The following CCNJL variants were observed in gnomAD, a reference collection of about 807,000 sequenced individuals.
CCNJL encodes the protein cyclin J like.
In CCNJL, 33 loss-of-function variants were observed where a neutral mutation model predicts 33.4. The ratio of observed to expected loss-of-function variants is 0.99; its 90% confidence interval spans 0.75 to 1.32. The LOEUF (loss-of-function observed/expected upper bound fraction) is 1.32. Ranked by LOEUF, CCNJL falls within the 40% of genes most tolerant of loss-of-function variation. The pLI, the probability that CCNJL is intolerant of heterozygous loss-of-function variation, is 0.00. For synonymous variants in CCNJL, 227 were observed against 220.9 expected, an observed-to-expected ratio of 1.03 and a Z score of -0.24; for missense variants, 512 against 499.7, an observed-to-expected ratio of 1.02 and a Z score of -0.23.
chr5:160,263,843 G>T (rs1469149080), intron 3 of CCNJL, among the ~76,000 whole-genome samples: 3 of 152,016 alleles, frequency 2.0e-5, no homozygotes, highest in Non-Finnish European at 4.4e-5. Context: ...TTATACTGGG[G>T]GTTGAAAAGG....
upstream of CCNJL, among the ~76,000 whole-genome samples, chr5:160,313,492 A>G (rs776814520): frequency 2.2e-4 from 33 of 152,356 alleles, no homozygotes; most frequent in Non-Finnish European, 8.8e-5. Flanking sequence ...AACAACTGTG[A>G]CTGAAGAGCC....
intron 1 of CCNJL, among the ~76,000 whole-genome samples, chr5:160,336,340 A>G (rs1305004348): frequency 1.3e-5 from 2 of 152,232 alleles, no homozygotes; most frequent in African/African-American, 2.4e-5. Flanking sequence ...GTCAAATAGA[A>G]GTGTTCTTAT....
rs59309263 is a variant in CCNJL at position 160,321,012 on chromosome 5, C to CTCTT, written n.207-5511_207-5508dup. Among the ~76,000 whole-genome samples, 170 of 71,980 alleles carry CTCTT rather than the reference C, an allele frequency of 2.4e-3. 3 individuals carry two copies. Among genetic ancestry groups the CTCTT allele is most frequent in the Non-Finnish European group, 2.8e-3 (110 of 39,254 alleles). The allele number at this position is 71,980 out of a possible 152,430, so 47.2% of individuals were successfully genotyped here. On this transcript the variant is annotated intron_variant and non_coding_transcript_variant, in intron 1 of 7. Transcript: ENST00000377503. ...TTTCTTTCTTTCTCTCTCTCTCTCT[C>CTCTT]TCTTTCTTTCTTTCTTTCTTTCTTT...
intron 2 of CCNJL, among the ~76,000 whole-genome samples, chr5:160,290,709 C>T (rs1283172216): frequency 1.3e-5 from 2 of 152,112 alleles, no homozygotes; most frequent in Admixed American, 6.6e-5. Flanking sequence ...AGGGCACAGA[C>T]TGGGCTTGTC....
intron 3 of CCNJL, chr5:160,269,438 TA>T: frequency 2.2e-6 from 1 of 456,502 alleles, no homozygotes; most frequent in Non-Finnish European, 4.4e-6. Flanking sequence ...GTCACTGCTT[TA>T]AAGAAAGCTC....
chr5:160,280,648 A>C lies in CCNJL; in HGVS notation c.157T>G (p.Cys53Gly). The change falls in exon 3 of 6, where the codon TGC (cysteine) becomes GGC (glycine). Residue 53 changes from cysteine to glycine, a missense_variant. By Grantham distance (159) the Cys-to-Gly change is radical (BLOSUM62 -3). Transcript: ENST00000257536. ...VDILTLLSSH[C>G]QLCPAARHLA... is the part of the protein sequence containing the mutation. ...TGCCGGGCTGCAGGGCAGAGCTGGC[A>C]GTGGCTGCTCAGCAGGGTCAGGATG... 1 of 1,613,552 alleles carries C rather than the reference A, an allele frequency of 6.2e-7. No homozygotes were observed. The highest frequency in any genetic ancestry group is 8.5e-7 in the Non-Finnish European group (1 of 1,179,902).
At chr5:160,304,900 G>A (rs923713033) in intron 2 of CCNJL, among the ~76,000 whole-genome samples, 3 of 151,654 alleles carry the variant, frequency 2.0e-5, no homozygotes, top group Non-Finnish European at 4.4e-5. Flanking sequence ...TGCAACGTCC[G>A]CCTCCCAGGT....
In CCNJL at chr5:160,304,822, C is replaced by CT. The variant is rs10658968; in HGVS notation, c.66+7035dup. On this transcript the variant is annotated intron_variant, in intron 2 of 5. Transcript: ENST00000257536. ...ATGGACCTTGGTCACTACTTTCTTT[C>CT]TTTTTTTTTTTAGAGGAAATCTCGC... Among the ~76,000 whole-genome samples the CT allele has an allele frequency of 2.9e-4, 42 of 146,174 alleles. No homozygotes were observed. The South Asian group carries it at 3.2e-3, about 11-fold the overall frequency.
rs1274513570 is a variant in CCNJL, at chr5:160,249,664, G to C, written c.*3714C>G. Reference sequence around the variant, plus strand: ...TGTAGTCCCAGCTACTCAGGAGGCTGAGGTGGGAGGATCACTTGAGCCCAG... The same window carrying C: ...TGTAGTCCCAGCTACTCAGGAGGCTCAGGTGGGAGGATCACTTGAGCCCAG... On this transcript the variant is annotated 3_prime_UTR_variant, in exon 6 of 6. Coordinates refer to ENST00000257536, the MANE Select transcript of CCNJL (RefSeq NM_001308173.3). The C allele has an allele frequency of 2.0e-5, 3 of 152,090 alleles. No homozygotes were observed. Among genetic ancestry groups the C allele is most frequent in the Non-Finnish European group, 4.4e-5 (3 of 68,046 alleles). The allele number at this position is 152,090 out of a possible 1,614,324, so 9.4% of individuals were successfully genotyped here.
In CCNJL at chr5:160,253,728, G is replaced by C; in HGVS notation, c.814C>G (p.Pro272Ala). ...AACAGCACTTGAGTGGGGGTGGGGG[G>C]TGTGCCGGGCACCATTGCCAAGGCC... is the stretch of plus-strand genomic sequence containing the variant. Reference protein sequence around the residue: ...SQALAMVPGTPPTPTQVLFQP... With the variant: ...SQALAMVPGTAPTPTQVLFQP... Residue 272 changes from proline (P) to alanine (A), a missense_variant, in exon 6 of 6, where the codon CCC (proline) becomes GCC (alanine). Pro to Ala is a conservative substitution (Grantham distance 27). Transcript: ENST00000257536. 6.3e-7 allele frequency: 1 copy of C among 1,579,618 alleles called. No homozygotes were observed. The highest frequency in any genetic ancestry group is 8.6e-7 in the Non-Finnish European group (1 of 1,164,214).
At chr5:160,318,086 G>A (rs964465857) in intron 1 of CCNJL, among the ~76,000 whole-genome samples, 35 of 150,792 alleles carry the variant, frequency 2.3e-4, no homozygotes, top group African/African-American at 8.3e-4. Context: ...GCACAATCTC[G>A]GCTCACTGCA....
intron 4 of CCNJL, among the ~76,000 whole-genome samples, chr5:160,256,928 A>C (rs1321565961): frequency 2.0e-5 from 3 of 152,030 alleles, no homozygotes; most frequent in East Asian, 1.9e-4. Flanking sequence ...AAAAAAAAAA[A>C]AATTTTTTTT....
At chr5:160,272,766 G>C (rs990575126) in intron 3 of CCNJL, among the ~76,000 whole-genome samples, 1 of 152,126 alleles carries the variant, frequency 6.6e-6, no homozygotes, top group Non-Finnish European at 1.5e-5. Context: ...CTTCTGTAAG[G>C]CAATTTGGCA....
At position 160,249,841 on chromosome 5, in the gene CCNJL, A is replaced by C. The variant is rs1310895145; in HGVS notation, c.*3537T>G. On this transcript the variant is annotated 3_prime_UTR_variant, in exon 6 of 6. Transcript: ENST00000257536. The stretch of plus-strand genomic sequence containing the variant: ...TTTAAAAAATCAAACTAAACTGGGG[A>C]GTTATAAAAATACAACTGAAATATA... 6.6e-6 allele frequency: 1 copy of C among 151,874 alleles called. No homozygotes were observed. The highest frequency in any genetic ancestry group is 2.4e-5 in the African/African-American group (1 of 41,420). 9.4% of individuals were successfully genotyped at this position (151,874 alleles called of 1,614,324 possible).
rs1028218083 is a variant in CCNJL, at chr5:160,253,858, G to A, written c.744-60C>T. ...CAAAAGCCACCAGATGCCTGTGTGT[G>A]TCTCTACCTGTCTTGCTAAGTGGGA... On this transcript the variant is annotated intron_variant, in intron 5 of 5. Coordinates refer to ENST00000257536, the MANE Select transcript of CCNJL (RefSeq NM_001308173.3). 1.2e-5 allele frequency: 16 copies of A among 1,309,756 alleles called. No individual in the cohort carries two copies. The African/African-American group carries it at 2.1e-4, about 17-fold the overall frequency. The allele number at this position is 1,309,756 out of a possible 1,614,324, so 81.1% of individuals were successfully genotyped here. A position where few individuals can be genotyped will look rare whatever the true frequency, so the allele number is the denominator to read the frequency against.
chr5:160,313,005 G>T (rs1337564645), upstream of CCNJL: 1 of 151,792 alleles, frequency 6.6e-6, no homozygotes, highest in Non-Finnish European at 1.5e-5. Flanking sequence ...GCCATGGGGA[G>T]GTAGATTTCC....
chr5:160,294,368 C>T (rs1472930061), intron 2 of CCNJL, among the ~76,000 whole-genome samples: 1 of 152,208 alleles, frequency 6.6e-6, no homozygotes, highest in Non-Finnish European at 1.5e-5. Flanking sequence ...TGAAGTCCAG[C>T]CTGTAGCTTC....
intron 2 of CCNJL, chr5:160,295,016 G>A (rs1218718193): frequency 2.6e-5 from 4 of 152,208 alleles, no homozygotes; most frequent in South Asian, 2.1e-4. Flanking sequence ...CTACCCCCTC[G>A]CTGCGACTCT....
At chr5:160,262,378 G>A (rs1319575102) in intron 3 of CCNJL, among the ~76,000 whole-genome samples, 6 of 152,210 alleles carry the variant, frequency 3.9e-5, no homozygotes, top group East Asian at 1.9e-4. Context: ...GGATTACTGC[G>A]GAATCTGATT....
Sources: allele counts gnomAD v4.1 joint callset (sites outside exome capture counted in the v4.1 genomes callset), GRCh38; gene constraint gnomAD v4.1.1; transcripts MANE v1.5; gene names NCBI Gene and HGNC (gene_info 2026-07-23, HGNC 2026-07-21).